The following GBX2 variants were observed in gnomAD, a reference collection of about 807,000 sequenced individuals.
GBX2 encodes homeobox protein GBX-2.
Under a neutral mutation model 22.4 loss-of-function variants are expected in GBX2, and 5 were observed. The observed-to-expected ratio is 0.22, with a 90% CI of 0.12 to 0.47. GBX2 has a LOEUF of 0.47. GBX2 is among the 20% of genes least tolerant of loss of function. The pLI is 0.99. For missense variants in GBX2, 470 were observed against 495.4 expected (o/e 0.95, Z 0.49); for synonymous variants, 220 against 230.5 (o/e 0.95, Z 0.41).
At chr2:236,165,023 G>A (rs1188512607), downstream of GBX2, among the ~76,000 whole-genome samples, 16 of 152,150 alleles carry the variant, frequency 1.1e-4, no homozygotes, top group Non-Finnish European at 1.8e-4. Context: ...TTTCTAAGGT[G>A]AGAATTAGGT....
At position 236,168,029 on chromosome 2, in the gene GBX2, G is replaced by A. The variant is rs2060253015; in HGVS notation, c.-58C>T. The A allele has an allele frequency of 2.9e-6, 4 of 1,375,386 alleles. No individual in the cohort carries two copies. The highest frequency in any genetic ancestry group is 6.3e-5 in the East Asian group (2 of 31,886). The allele number at this position is 1,375,386 out of a possible 1,614,324, so 85.2% of individuals were successfully genotyped here. A position where few individuals can be genotyped will look rare whatever the true frequency, so the allele number is the denominator to read the frequency against. On this transcript the variant is annotated 5_prime_UTR_variant, in exon 1 of 2. Transcript: ENST00000306318. Reference sequence around the variant, plus strand: ...AAAGTCCCCGCGCCGCGCCGCCGCCGGGAAGCCCGCCGGACGCCGGGAGCA... The same window carrying A: ...AAAGTCCCCGCGCCGCGCCGCCGCCAGGAAGCCCGCCGGACGCCGGGAGCA...
At chr2:236,162,730 C>A (rs1027069872), downstream of GBX2, among the ~76,000 whole-genome samples, 1 of 152,168 alleles carries the variant, frequency 6.6e-6, no homozygotes, top group Non-Finnish European at 1.5e-5. Context: ...CCAAGGAGCT[C>A]CCAAGTGTAA....
In GBX2 at chr2:236,168,071, G is replaced by A; in HGVS notation, c.-100C>T. The A allele has an allele frequency of 1.6e-6, 2 of 1,271,526 alleles. No homozygotes were observed. The highest frequency in any genetic ancestry group is 2.0e-6 in the Non-Finnish European group (2 of 996,768). 78.8% of individuals were successfully genotyped at this position (1,271,526 alleles called of 1,614,324 possible). ...CCGGGAGCACCGCCGGGAGCGCCGG[G>A]CAGGGGCCGAGCGGGACCCGGAGAG... On this transcript the variant is annotated 5_prime_UTR_variant, in exon 1 of 2. Transcript: ENST00000306318.
downstream of GBX2, among the ~76,000 whole-genome samples, chr2:236,162,275 G>A (rs1045273483): frequency 6.6e-6 from 1 of 152,194 alleles, no homozygotes; most frequent in South Asian, 2.1e-4. Flanking sequence ...AGCCTGGGGG[G>A]GCCACTCCCT....
In GBX2 at chr2:236,166,444, GC is replaced by G. The variant is rs2060239854; in HGVS notation, c.524-8del. ...TGCCCTCGGACAGCCCCGACTGAAA[GC>G]AAAACCAAACGGCATTTTATTACAT... On this transcript the variant is annotated splice_region_variant and splice_polypyrimidine_tract_variant and intron_variant, in intron 1 of 1. Coordinates refer to ENST00000306318, the MANE Select transcript of GBX2 (RefSeq NM_001485.4). The surrounding 1 kb of genome is among the most constrained non-coding windows in gnomAD (Gnocchi z 6.6). The G allele has an allele frequency of 6.2e-7, 1 of 1,601,732 alleles. No homozygotes were observed. The highest frequency in any genetic ancestry group is 8.5e-7 in the Non-Finnish European group (1 of 1,171,034).
Position 236,167,919 on chromosome 2 carries a change from C to A in GBX2, c.53G>T (p.Ser18Ile). The change falls in exon 1 of 2, where the codon AGT becomes ATT. Residue 18 changes from serine (S) to isoleucine (I), a missense_variant. Physicochemically the swap from Ser to Ile is moderately radical, Grantham distance 142. This residue lies in a region of GBX2 where 377 missense variants were observed against 358.6 expected (regional missense o/e 1.05). Coordinates refer to ENST00000306318, the MANE Select transcript of GBX2 (RefSeq NM_001485.4). ...SLMMMQRPLG[S>I]STAFSIDSLI... Reference sequence around the variant, plus strand: ...CGAGTCTATGCTGAAGGCGGTGCTACTCCCCAGCGGGCGCTGCATCATCAT... The same window carrying A: ...CGAGTCTATGCTGAAGGCGGTGCTAATCCCCAGCGGGCGCTGCATCATCAT... 2 of 1,562,458 alleles carry A rather than the reference C, an allele frequency of 1.3e-6. No homozygotes were observed. Among genetic ancestry groups the A allele is most frequent in the Non-Finnish European group, 1.7e-6 (2 of 1,156,904 alleles).
rs1444265849 is a variant in GBX2, at chr2:236,166,445, C to G, written c.524-8G>C. On this transcript the variant is annotated splice_polypyrimidine_tract_variant and splice_region_variant and intron_variant, in intron 1 of 1. Coordinates refer to ENST00000306318, the MANE Select transcript of GBX2 (RefSeq NM_001485.4). The surrounding 1 kb of genome is among the most constrained non-coding windows in gnomAD (Gnocchi z 6.6). ...GCCCTCGGACAGCCCCGACTGAAAG[C>G]AAAACCAAACGGCATTTTATTACAT... is the stretch of plus-strand genomic sequence containing the variant. The G allele has an allele frequency of 6.2e-7, 1 of 1,601,414 alleles. No individual in the cohort carries two copies. Among genetic ancestry groups the G allele is most frequent in the Non-Finnish European group, 8.5e-7 (1 of 1,170,956 alleles).
chr2:236,168,064 G>A lies in GBX2; in HGVS notation c.-93C>T. 1 of 1,299,424 alleles carries A rather than the reference G, an allele frequency of 7.7e-7. No individual in the cohort carries two copies. The highest frequency in any genetic ancestry group is 2.0e-5 in the South Asian group (1 of 50,802). The allele number at this position is 1,299,424 out of a possible 1,614,324, so 80.5% of individuals were successfully genotyped here. On this transcript the variant is annotated 5_prime_UTR_variant, in exon 1 of 2. Transcript: ENST00000306318. ...CCGGACGCCGGGAGCACCGCCGGGA[G>A]CGCCGGGCAGGGGCCGAGCGGGACC...
At chr2:236,164,023 C>T (rs2060224513), downstream of GBX2, among the ~76,000 whole-genome samples, 1 of 152,162 alleles carries the variant, frequency 6.6e-6, no homozygotes, top group Non-Finnish European at 1.5e-5. Flanking sequence ...GGCCATTTTC[C>T]GCCACCGGAA....
At chr2:236,164,581 C>T (rs1241853244), downstream of GBX2, among the ~76,000 whole-genome samples, 1 of 152,126 alleles carries the variant, frequency 6.6e-6, no homozygotes, top group African/African-American at 2.4e-5. Context: ...TCCCGTTTTC[C>T]CCCTTTGTGG....
Position 236,166,281 on chromosome 2 carries a change from G to T in GBX2, c.680C>A (p.Ala227Glu), listed in dbSNP as rs2060238690. 2 of 1,613,670 alleles carry T rather than the reference G, an allele frequency of 1.2e-6. No homozygotes were observed. Among genetic ancestry groups the T allele is most frequent in the Non-Finnish European group, 8.5e-7 (1 of 1,180,016 alleles). Residue 227 changes from alanine to glutamate, a missense_variant, in exon 2 of 2, where the codon GCG (alanine) becomes GAG (glutamate). Around this residue, in one of 4 missense-constraint regions of GBX2, gnomAD observed 377 missense variants for 358.6 expected, o/e 1.05. Coordinates refer to ENST00000306318, the MANE Select transcript of GBX2 (RefSeq NM_001485.4). This position sits in a 1 kb window ranked among gnomAD's most constrained non-coding sequence, Gnocchi z 6.6. ...GCTGCTCGGCGGGGTCTCCTCCAGC[G>T]CGTGGCCCGGGTCTTCCTCCTTGTG... The part of the protein sequence containing the change: ...AAHKEEDPGH[A>E]LEETPPSSGA...
downstream of GBX2, among the ~76,000 whole-genome samples, chr2:236,162,495 C>T (rs772717499): frequency 6.6e-6 from 1 of 152,186 alleles, no homozygotes; most frequent in African/African-American, 2.4e-5. Context: ...AGGCCCAGGA[C>T]CAAACTAAAG....
intron 1 of GBX2, 132 bp downstream of exon 1, chr2:236,167,317 T>C (rs970203175): frequency 3.9e-5 from 53 of 1,361,814 alleles, no homozygotes; most frequent in Non-Finnish European, 5.1e-5. Context: ...CCGGGCCTCA[T>C]CCTCCAGCTC....
At chr2:236,167,054 G>T in intron 1 of GBX2, 2 of 1,167,362 alleles carry the variant, frequency 1.7e-6, no homozygotes, top group Non-Finnish European at 2.5e-6. Context: ...CCAGCGAAGG[G>T]GTTTAAAAAG....
At chr2:236,162,217 A>C (rs1455494602), downstream of GBX2, among the ~76,000 whole-genome samples, 1 of 152,228 alleles carries the variant, frequency 6.6e-6, no homozygotes, top group African/African-American at 2.4e-5. Context: ...AGACGCACAG[A>C]CAGCCATAGA....
chr2:236,167,187 C>T, intron 1 of GBX2: 1 of 1,535,480 alleles, frequency 6.5e-7, no homozygotes, highest in East Asian at 2.4e-5. Context: ...CGGCCAAACG[C>T]ATCGTCAGAT....
At position 236,165,538 on chromosome 2, in the gene GBX2, G is replaced by C. The variant is rs377584825; in HGVS notation, c.*376C>G. ...GTTCTTGGGTTTCACGTTTACCTTT[G>C]GAAAAGTATGGAAAGGTGGCTGCTA... On this transcript the variant is annotated 3_prime_UTR_variant, in exon 2 of 2. Coordinates refer to ENST00000306318, the MANE Select transcript of GBX2 (RefSeq NM_001485.4). The C allele has an allele frequency of 3.3e-3, 577 of 176,260 alleles. 1 individual carries two copies. Among genetic ancestry groups the C allele is most frequent in the Middle Eastern group, 7.8e-3 (3 of 386 alleles). The allele number at this position is 176,260 out of a possible 1,614,324, so 10.9% of individuals were successfully genotyped here.
In GBX2 at chr2:236,165,856, T is replaced by A. The variant is rs2060235657; in HGVS notation, c.*58A>T. The A allele has an allele frequency of 7.2e-7, 1 of 1,381,772 alleles. No individual in the cohort carries two copies. The highest frequency in any genetic ancestry group is 1.5e-5 in the African/African-American group (1 of 68,960). The allele number at this position is 1,381,772 out of a possible 1,614,324, so 85.6% of individuals were successfully genotyped here. A position where few individuals can be genotyped will look rare whatever the true frequency, so the allele number is the denominator to read the frequency against. ...CAAACACAGTGGAGTCCACCATGGG[T>A]TCCCTCGGGTGCGGGGGCTTCTCCA... is the stretch of plus-strand genomic sequence containing the variant. On this transcript the variant is annotated 3_prime_UTR_variant, in exon 2 of 2. Transcript: ENST00000306318.
downstream of GBX2, among the ~76,000 whole-genome samples, chr2:236,162,760 A>C (rs1326642729): frequency 6.6e-6 from 1 of 152,218 alleles, no homozygotes; most frequent in Non-Finnish European, 1.5e-5. Flanking sequence ...CTGCAGATGT[A>C]AGTGGAATTT....
Sources: allele counts gnomAD v4.1 joint callset (sites outside exome capture counted in the v4.1 genomes callset), GRCh38; gene constraint gnomAD v4.1.1; regional missense constraint gnomAD v4.1.1; non-coding constraint Gnocchi (gnomAD v3.1); transcripts MANE v1.5; gene names NCBI Gene and HGNC (gene_info 2026-07-23, HGNC 2026-07-21).